The following LRIG2 variants were observed in gnomAD, a reference collection of about 807,000 sequenced individuals.
LRIG2 encodes leucine-rich repeats and immunoglobulin-like domains protein 2.
In LRIG2, 93 loss-of-function variants were observed where a neutral mutation model predicts 107.8. That is an observed-to-expected ratio of 0.86 (90% CI 0.73 to 1.03). The LOEUF is 1.03. LRIG2 is among the 50% of genes least tolerant of loss of function. LRIG2 has a pLI of 0.00. For missense variants in LRIG2, 1,226 were observed against 1,296.0 expected (o/e 0.95, Z 0.83); for synonymous variants, 471 against 470.6 (o/e 1.00, Z -0.01).
chr1:113,088,593 C>G (rs146616632), intron 1 of LRIG2, among the ~76,000 whole-genome samples: 1 of 152,216 alleles, frequency 6.6e-6, no homozygotes, highest in Admixed American at 6.5e-5. Context: ...AATGAAAGCC[C>G]TTAATCTGGA....
intron 1 of LRIG2, among the ~76,000 whole-genome samples, chr1:113,081,517 G>T (rs1448744867): frequency 6.6e-6 from 1 of 152,026 alleles, no homozygotes; most frequent in Non-Finnish European, 1.5e-5. Context: ...TAGAGACGGG[G>T]TTTCACCATA....
In LRIG2 at chr1:113,095,946, C is replaced by T; in HGVS notation, c.876C>T (p.Leu292=). 2 of 1,614,168 alleles carry T rather than the reference C, an allele frequency of 1.2e-6. No homozygotes were observed. Among genetic ancestry groups the T allele is most frequent in the Non-Finnish European group, 1.7e-6 (2 of 1,180,030 alleles). ...WLYGLRMLQQ[L]YVSQNAIERI... is the part of the protein sequence containing the mutation. The stretch of plus-strand genomic sequence containing the variant: ...ATGGCTTGCGAATGTTACAGCAGCT[C>T]TATGTGAGCCAGAATGCTATTGAAA... Residue 292 remains leucine (L), a synonymous_variant, in exon 7 of 18, where the codon CTC becomes CTT. Coordinates refer to ENST00000361127, the MANE Select transcript of LRIG2 (RefSeq NM_014813.3).
chr1:113,119,101 C>A (rs1570774280), intron 16 of LRIG2, 132 bp from the exon 17 acceptor site: 1 of 771,780 alleles, frequency 1.3e-6, no homozygotes, highest in Non-Finnish European at 2.1e-6. Flanking sequence ...TGGCTTGAAA[C>A]TTCACCTACT....
chr1:113,122,074 C>CCT (rs1655283468), intron 17 of LRIG2, among the ~76,000 whole-genome samples: 1 of 102,472 alleles, frequency 9.8e-6, no homozygotes, highest in South Asian at 4.1e-4. Context: ...GTTAGGCTCA[C>CCT]CTTTTTTTTT....
chr1:113,118,954 G>T (rs747230219), intron 16 of LRIG2, among the ~76,000 whole-genome samples: 1 of 152,118 alleles, frequency 6.6e-6, no homozygotes, highest in African/African-American at 2.4e-5. Flanking sequence ...GTGAGCCACC[G>T]CACCCGGTAG....
intron 1 of LRIG2, among the ~76,000 whole-genome samples, chr1:113,080,514 G>C (rs1232340764): frequency 6.6e-6 from 1 of 152,026 alleles, no homozygotes; most frequent in Admixed American, 6.6e-5. Context: ...GGAGTAGCTG[G>C]GACTACAGGC....
chr1:113,093,092 A>T lies in LRIG2; in HGVS notation c.306-114A>T, dbSNP rs1653896095. On this transcript the variant is annotated intron_variant, in intron 2 of 17. Transcript: ENST00000361127. ...TTTCGTCTAACTCATTCTGAGTCAT[A>T]TTCTTTTTCAAATTTGGCACCTATT... is the stretch of plus-strand genomic sequence containing the variant. The T allele has an allele frequency of 7.7e-6, 5 of 651,910 alleles. No homozygotes were observed. In the South Asian group the frequency reaches 9.5e-5, roughly 12 times the overall value. The allele number at this position is 651,910 out of a possible 1,614,324, so 40.4% of individuals were successfully genotyped here.
intron 15 of LRIG2, 60 bp from the exon 16 acceptor site, chr1:113,116,227 G>C (rs982761416): frequency 7.1e-5 from 105 of 1,480,996 alleles, no homozygotes; most frequent in Non-Finnish European, 9.3e-5. Flanking sequence ...TTGCAAAATA[G>C]TCTTCTGAGT....
At chr1:113,119,203 A>C (rs1326270063) in intron 16 of LRIG2, 30 bp from the exon 17 acceptor site, 1 of 1,582,544 alleles carries the variant, frequency 6.3e-7, no homozygotes, top group East Asian at 2.3e-5. Context: ...CTTAACAGAA[A>C]GATATTTAGA....
chr1:113,073,222 T>G lies in LRIG2; in HGVS notation c.-185T>G. 4 of 600,426 alleles carry G rather than the reference T, an allele frequency of 6.7e-6. No individual in the cohort carries two copies. In the East Asian group the frequency reaches 8.1e-5, roughly 12 times the overall value. 37.2% of individuals were successfully genotyped at this position (600,426 alleles called of 1,614,324 possible). ...CGGACGAGAGGTGTCCGTCAGGCCG[T>G]GTGTCCCAGGCCGTCGACCCCGCTG... On this transcript the variant is annotated 5_prime_UTR_variant, in exon 1 of 18. Transcript: ENST00000361127.
chr1:113,123,741 G>T (rs906177260), intron 17 of LRIG2, 134 bp from the exon 18 acceptor site: 7 of 649,864 alleles, frequency 1.1e-5, no homozygotes, highest in Non-Finnish European at 1.6e-5. Context: ...GTGTGTGTGT[G>T]TGTGTGTGTG....
chr1:113,116,622 A>G (rs972742278), intron 16 of LRIG2, among the ~76,000 whole-genome samples, 186 bp downstream of exon 16: 1 of 152,246 alleles, frequency 6.6e-6, no homozygotes, highest in African/African-American at 2.4e-5. Flanking sequence ...ATCATCTTAC[A>G]GAGTGGAGAA....
chr1:113,120,210 G>A (rs1419194485), intron 17 of LRIG2, among the ~76,000 whole-genome samples: 1 of 151,790 alleles, frequency 6.6e-6, no homozygotes, highest in African/African-American at 2.4e-5. Flanking sequence ...AGCACTTTCG[G>A]AGGCCAAAGC....
rs1006289547 is a variant in LRIG2 at position 113,124,270 on chromosome 1, A to G, written c.*169A>G. 3.2e-6 allele frequency: 2 copies of G among 620,694 alleles called. No homozygotes were observed. Among genetic ancestry groups the G allele is most frequent in the Non-Finnish European group, 2.8e-6 (1 of 354,690 alleles). 38.4% of individuals were successfully genotyped at this position (620,694 alleles called of 1,614,324 possible). On this transcript the variant is annotated 3_prime_UTR_variant, in exon 18 of 18. Coordinates refer to ENST00000361127, the MANE Select transcript of LRIG2 (RefSeq NM_014813.3). The stretch of plus-strand genomic sequence containing the variant: ...CGTTGTTTGGTCTTATACCTGATGA[A>G]GAAATGGCAACAGCTGACAGAAATG...
chr1:113,119,213 ATTCTTT>A lies in LRIG2; in HGVS notation c.2681-14_2681-9del. On this transcript the variant is annotated splice_polypyrimidine_tract_variant and intron_variant, in intron 16 of 17. Transcript: ENST00000361127. Reference sequence around the variant, plus strand: ...AATTCCTTAACAGAAAGATATTTAGATTCTTTTTCTTGTTATTAGGTGGCACTGGTA... The same window carrying A: ...AATTCCTTAACAGAAAGATATTTAGATTCTTGTTATTAGGTGGCACTGGTA... 6.3e-7 allele frequency: 1 copy of A among 1,592,240 alleles called. No individual in the cohort carries two copies. Among genetic ancestry groups the A allele is most frequent in the Non-Finnish European group, 8.6e-7 (1 of 1,168,104 alleles).
intron 1 of LRIG2, among the ~76,000 whole-genome samples, chr1:113,077,929 C>G (rs1459646726): frequency 7.4e-6 from 1 of 135,776 alleles, no homozygotes; most frequent in Non-Finnish European, 1.5e-5. Flanking sequence ...TGTTCCCCTT[C>G]CTGTGTCCAT....
At chr1:113,104,467 C>T (rs1377290927) in intron 11 of LRIG2, among the ~76,000 whole-genome samples, 2 of 152,140 alleles carry the variant, frequency 1.3e-5, no homozygotes, top group African/African-American at 2.4e-5. Flanking sequence ...ATCCAGACAG[C>T]CCCTAGATGT....
At chr1:113,081,969 T>C (rs1404527437) in intron 1 of LRIG2, among the ~76,000 whole-genome samples, 1 of 152,216 alleles carries the variant, frequency 6.6e-6, no homozygotes, top group Non-Finnish European at 1.5e-5. Flanking sequence ...TGGATATTAG[T>C]GGCCAAGTAA....
Position 113,131,407 on chromosome 1 carries a change from A to G in LRIG2, c.*7306A>G, listed in dbSNP as rs1448103225. 6.6e-6 allele frequency: 1 copy of G among 152,174 alleles called. No individual in the cohort carries two copies. The allele number at this position is 152,174 out of a possible 1,614,324, so 9.4% of individuals were successfully genotyped here. A position where few individuals can be genotyped will look rare whatever the true frequency, so the allele number is the denominator to read the frequency against. ...GAAGTGTAAAGGAATAACAGAGGTA[A>G]ATTTGCTGTCATTTTATGCCACATC... On this transcript the variant is annotated 3_prime_UTR_variant, in exon 18 of 18. Coordinates refer to ENST00000361127, the MANE Select transcript of LRIG2 (RefSeq NM_014813.3).
Sources: gnomAD v4.1 joint callset for allele counts (sites outside exome capture counted in the v4.1 genomes callset) on GRCh38, gnomAD v4.1.1 for gene constraint, MANE v1.5 for transcripts, NCBI Gene and HGNC (gene_info 2026-07-23, HGNC 2026-07-21) for gene names.